Variants in DISC1 observed in about 807,000 individuals in gnomAD.
The protein encoded by DISC1 is DISC1 scaffold protein.
DISC1 carries 57 observed loss-of-function variants against 84.5 expected under a neutral mutation model. The ratio of observed to expected loss-of-function variants is 0.67; its 90% CI spans 0.55 to 0.84. The LOEUF is 0.84. DISC1 is among the 40% of genes least tolerant of loss of function. The pLI is 0.00. For missense variants in DISC1, 1,000 were observed against 1,057.8 expected, an observed-to-expected ratio of 0.95 and a Z score of 0.76; for synonymous variants, 411 against 415.2, an observed-to-expected ratio of 0.99 and a Z score of 0.12.
chr1:231,656,765 C>T (rs1321879806), intron 1 of DISC1, among the ~76,000 whole-genome samples: 2 of 152,158 alleles, frequency 1.3e-5, no homozygotes, highest in Non-Finnish European at 2.9e-5. Context: ...GCTATTCTTC[C>T]TGATGCTCTC....
At chr1:231,702,896 A>G (rs77710863) in intron 3 of DISC1, among the ~76,000 whole-genome samples, 2,609 of 152,256 alleles carry the variant, frequency 0.017, 32 homozygotes, top group Non-Finnish European at 0.024. Context: ...GCACCTACTA[A>G]CTTGATAGAT....
intron 12 of DISC1, among the ~76,000 whole-genome samples, chr1:232,029,853 T>C (rs1669834528): frequency 6.6e-6 from 1 of 152,222 alleles, no homozygotes; most frequent in African/African-American, 2.4e-5. Context: ...AGTTTCCAAA[T>C]AGGTCCTTGT....
intron 1 of DISC1, among the ~76,000 whole-genome samples, chr1:231,648,006 C>G (rs2060280635): frequency 6.6e-6 from 1 of 152,236 alleles, no homozygotes; most frequent in Non-Finnish European, 1.5e-5. Context: ...CATCTGCCAA[C>G]AGGGACAATT....
At chr1:231,831,875 C>G (rs1483646614) in intron 9 of DISC1, among the ~76,000 whole-genome samples, 3 of 152,028 alleles carry the variant, frequency 2.0e-5, no homozygotes, top group East Asian at 3.9e-4. Context: ...GAGTGGTAGC[C>G]TTGATGATAG....
At chr1:231,649,307 G>T (rs1211883301) in intron 1 of DISC1, among the ~76,000 whole-genome samples, 3 of 152,126 alleles carry the variant, frequency 2.0e-5, no homozygotes, top group Non-Finnish European at 4.4e-5. Context: ...CCTTCATTTT[G>T]TTATTTACCC....
intron 12 of DISC1, among the ~76,000 whole-genome samples, chr1:232,034,040 G>T (rs1414043434): frequency 6.6e-6 from 1 of 151,886 alleles, no homozygotes; most frequent in Non-Finnish European, 1.5e-5. Flanking sequence ...TTCCATTTCA[G>T]TACATCCAAA....
chr1:231,831,853 GGGGGGT>G (rs2082254698), intron 9 of DISC1, among the ~76,000 whole-genome samples: 2 of 49,544 alleles, frequency 4.0e-5, no homozygotes, highest in Non-Finnish European at 9.5e-5. Context: ...AGGTAGTGGG[GGGGGGT>G]GGGCAGAGTG....
Position 232,031,232 on chromosome 1 carries a change from A to C in DISC1, c.2425+4680A>C, listed in dbSNP as rs1308228103. Among the ~76,000 whole-genome samples, 1 of 148,674 alleles carries C rather than the reference A, an allele frequency of 6.7e-6. No homozygotes were observed. The highest frequency in any genetic ancestry group is 1.5e-5 in the Non-Finnish European group (1 of 66,744). On this transcript the variant is annotated intron_variant, in intron 12 of 12. Transcript: ENST00000439617. This position sits in a 1 kb window ranked among gnomAD's most constrained non-coding sequence, Gnocchi z 4.6. The stretch of plus-strand genomic sequence containing the variant: ...AAGGAAGGAAGGGAGAAAGAGAGAG[A>C]GAAAGAGAGGAAGGAAGGAAGGAGA...
intron 9 of DISC1, among the ~76,000 whole-genome samples, chr1:231,821,652 G>T (rs2125777697): frequency 6.7e-6 from 1 of 150,372 alleles, no homozygotes; most frequent in Non-Finnish European, 1.5e-5. Context: ...TCCAATGTGT[G>T]TGTTTATTTA....
At chr1:231,871,120 T>C (rs2085427494) in intron 9 of DISC1, among the ~76,000 whole-genome samples, 1 of 152,214 alleles carries the variant, frequency 6.6e-6, no homozygotes, top group Admixed American at 6.5e-5. Context: ...ACTGCACTCA[T>C]TGATGCAGCG....
intron 9 of DISC1, among the ~76,000 whole-genome samples, chr1:231,852,929 A>G (rs1248263568): frequency 6.6e-6 from 1 of 152,248 alleles, no homozygotes; most frequent in Non-Finnish European, 1.5e-5. Flanking sequence ...TACAAATTTC[A>G]TCTTGTCATT....
At chr1:231,869,452 T>A (rs1412333043) in intron 9 of DISC1, among the ~76,000 whole-genome samples, 1 of 152,112 alleles carries the variant, frequency 6.6e-6, no homozygotes, top group Non-Finnish European at 1.5e-5. Flanking sequence ...GTTGCTATAA[T>A]GGAATAATTG....
At chr1:232,004,982 A>T (rs149346657) in intron 10 of DISC1, among the ~76,000 whole-genome samples, 23,652 of 73,306 alleles carry the variant, frequency 0.32, 3,982 homozygotes, top group African/African-American at 0.46. Flanking sequence ...CCTTCCTTCC[A>T]TCCTTCTTCT....
intron 9 of DISC1, among the ~76,000 whole-genome samples, chr1:231,936,349 T>A (rs2090979806): frequency 6.6e-6 from 1 of 152,174 alleles, no homozygotes; most frequent in South Asian, 2.1e-4. Context: ...CAGTTCCTAG[T>A]TCTGCTGCCC....
At chr1:231,643,863 G>C (rs950823908) in intron 1 of DISC1, among the ~76,000 whole-genome samples, 4 of 152,148 alleles carry the variant, frequency 2.6e-5, no homozygotes, top group African/African-American at 9.7e-5. Flanking sequence ...GGGGTGAATG[G>C]AGCCCTGGTG....
At chr1:231,968,591 CAAAAAAAA>C (rs34437165) in intron 10 of DISC1, among the ~76,000 whole-genome samples, 1 of 89,048 alleles carries the variant, frequency 1.1e-5, no homozygotes. Context: ...GACTCCGTCT[CAAAAAAAA>C]AAAAAAAAAA....
intron 1 of DISC1, among the ~76,000 whole-genome samples, chr1:231,667,079 A>G (rs2062092771): frequency 6.6e-6 from 1 of 152,218 alleles, no homozygotes; most frequent in South Asian, 2.1e-4. Flanking sequence ...CCCTTCAGAC[A>G]GGAGCCTGTA....
chr1:232,030,473 A>G (rs1669895345), intron 12 of DISC1, among the ~76,000 whole-genome samples: 2 of 152,230 alleles, frequency 1.3e-5, no homozygotes, highest in African/African-American at 4.8e-5. Context: ...TAGACGAGGT[A>G]GAGACACTCT....
chr1:231,857,370 C>G (rs967454916), intron 9 of DISC1, among the ~76,000 whole-genome samples: 2 of 152,202 alleles, frequency 1.3e-5, no homozygotes, highest in Non-Finnish European at 2.9e-5. Context: ...AAACTCTGAT[C>G]TATTTAACTG....
Sources: allele counts gnomAD v4.1 joint callset (sites outside exome capture counted in the v4.1 genomes callset), GRCh38; gene constraint gnomAD v4.1.1; non-coding constraint Gnocchi (gnomAD v3.1); transcripts MANE v1.5; gene names NCBI Gene and HGNC (gene_info 2026-07-23, HGNC 2026-07-21).